LRRTM4: variants seen among roughly 807,000 people sequenced by gnomAD.
The protein encoded by LRRTM4 is leucine-rich repeat transmembrane neuronal protein 4.
In LRRTM4, 25 loss-of-function variants were observed where a neutral mutation model predicts 47.6. That is an observed-to-expected ratio of 0.53 (90% CI 0.38 to 0.73). The LOEUF (loss-of-function observed/expected upper bound fraction) is 0.73. Ranked by LOEUF, LRRTM4 falls within the 30% of genes least tolerant of loss-of-function variation. The pLI, the probability that LRRTM4 is intolerant of heterozygous loss-of-function variation, is 0.00. For synonymous variants in LRRTM4, 311 were observed against 269.5 expected, an observed-to-expected ratio of 1.15 and a Z score of -1.51; for missense variants, 638 against 713.4, an observed-to-expected ratio of 0.89 and a Z score of 1.20.
In LRRTM4 at chr2:76,912,825, G is replaced by A. The variant is rs565042827; in HGVS notation, c.1552-163909C>T. Among the ~76,000 whole-genome samples, 9 of 152,266 alleles carry A rather than the reference G, an allele frequency of 5.9e-5. No homozygotes were observed. The South Asian group carries it at 1.9e-3, about 32-fold the overall frequency. On this transcript the variant is annotated intron_variant, in intron 3 of 3. Coordinates refer to ENST00000409884, the MANE Select transcript of LRRTM4 (RefSeq NM_001134745.3). ...GCACCTCCCCCACTCTCATCCTCCT[G>A]TGCTGGCCATGTGAGGTGCCTAGCT...
chr2:77,518,450 A>G lies in LRRTM4; in HGVS notation c.1419T>C (p.Ser473=). Residue 473 remains serine, a synonymous_variant, in exon 3 of 4, where the codon TCT becomes TCC. Coordinates refer to ENST00000409884, the MANE Select transcript of LRRTM4 (RefSeq NM_001134745.3). ...MKRRRKKARE[S]ERQMNSPLQE... is the part of the protein sequence containing the mutation. ...GTAAAGGGGAATTCATTTGTCTTTC[A>G]GACTCTCTGGCCTTTTTCCGCCGCC... 1 of 1,613,302 alleles carries G rather than the reference A, an allele frequency of 6.2e-7. No individual in the cohort carries two copies. Among genetic ancestry groups the G allele is most frequent in the Non-Finnish European group, 8.5e-7 (1 of 1,179,600 alleles).
chr2:77,491,092 G>C (rs1459020753), intron 3 of LRRTM4, among the ~76,000 whole-genome samples: 2 of 151,652 alleles, frequency 1.3e-5, no homozygotes, highest in Non-Finnish European at 2.9e-5. Flanking sequence ...AAGAGAGAGA[G>C]AGAAACAGAC....
chr2:77,334,402 G>A (rs1021622453), intron 3 of LRRTM4, among the ~76,000 whole-genome samples: 2 of 152,154 alleles, frequency 1.3e-5, no homozygotes. Flanking sequence ...TTCATGGGAG[G>A]AACTAGGCCA....
intron 3 of LRRTM4, among the ~76,000 whole-genome samples, chr2:76,754,331 C>T (rs1672953294): frequency 6.6e-6 from 1 of 151,826 alleles, no homozygotes; most frequent in Admixed American, 6.6e-5. Flanking sequence ...TGGTTTTTTT[C>T]AAGAACTTTT....
chr2:77,342,608 G>A (rs969592072), intron 3 of LRRTM4, among the ~76,000 whole-genome samples: 1 of 151,786 alleles, frequency 6.6e-6, no homozygotes, highest in Non-Finnish European at 1.5e-5. Context: ...TACTTAATTT[G>A]GAGAATAAAG....
intron 3 of LRRTM4, among the ~76,000 whole-genome samples, chr2:77,283,966 A>G (rs1676582322): frequency 6.6e-6 from 1 of 152,118 alleles, no homozygotes; most frequent in South Asian, 2.1e-4. Flanking sequence ...AAGCCCCTGA[A>G]TATAAAATAA....
chr2:77,014,887 A>G (rs1032545838), intron 3 of LRRTM4, among the ~76,000 whole-genome samples: 4 of 152,042 alleles, frequency 2.6e-5, no homozygotes, highest in African/African-American at 7.2e-5. Context: ...TTGACTTTTC[A>G]TTTTTTTCAA....
intron 3 of LRRTM4, among the ~76,000 whole-genome samples, chr2:76,932,965 G>C (rs1039226348): frequency 1.3e-5 from 2 of 151,954 alleles, no homozygotes; most frequent in African/African-American, 4.8e-5. Context: ...ATCTACATTA[G>C]GTATGAAATG....
chr2:77,460,522 C>T (rs910437733), intron 3 of LRRTM4, among the ~76,000 whole-genome samples: 1 of 152,026 alleles, frequency 6.6e-6, no homozygotes, highest in Non-Finnish European at 1.5e-5. Flanking sequence ...GGTTTATTTT[C>T]TAAGGTCATT....
intron 3 of LRRTM4, among the ~76,000 whole-genome samples, chr2:77,256,939 A>T (rs1675786407): frequency 6.6e-6 from 1 of 152,158 alleles, no homozygotes; most frequent in South Asian, 2.1e-4. Flanking sequence ...AGATGTATAG[A>T]ACATGACAAA....
At chr2:77,006,820 A>G (rs1380190551) in intron 3 of LRRTM4, among the ~76,000 whole-genome samples, 2 of 152,170 alleles carry the variant, frequency 1.3e-5, no homozygotes, top group East Asian at 3.9e-4. Flanking sequence ...CTTCAGTGGA[A>G]ATCAAAGTTG....
intron 3 of LRRTM4, among the ~76,000 whole-genome samples, chr2:77,075,587 T>C (rs955304046): frequency 1.3e-5 from 2 of 152,164 alleles, no homozygotes; most frequent in Non-Finnish European, 2.9e-5. Context: ...AATATGATGA[T>C]AAAAATCAAA....
intron 3 of LRRTM4, among the ~76,000 whole-genome samples, chr2:77,508,498 G>A (rs1051456162): frequency 1.3e-5 from 2 of 152,104 alleles, no homozygotes; most frequent in Admixed American, 1.3e-4. Flanking sequence ...TAATTATGCT[G>A]TACCAATCAC....
intron 3 of LRRTM4, among the ~76,000 whole-genome samples, chr2:77,229,996 T>A (rs1252967450): frequency 6.6e-6 from 1 of 152,156 alleles, no homozygotes; most frequent in Non-Finnish European, 1.5e-5. Context: ...CATCTGTCTT[T>A]CTCTGAAAAA....
chr2:77,109,317 T>A (rs1671184200), intron 3 of LRRTM4, among the ~76,000 whole-genome samples: 2 of 152,046 alleles, frequency 1.3e-5, no homozygotes, highest in South Asian at 4.1e-4. Context: ...AGTTGGAATG[T>A]GAAAAAAAAT....
At chr2:77,400,030 A>G (rs145086583) in intron 3 of LRRTM4, among the ~76,000 whole-genome samples, 1 of 151,906 alleles carries the variant, frequency 6.6e-6, no homozygotes, top group East Asian at 2.0e-4. Context: ...TAAAATGACT[A>G]AATGAGATAA....
In LRRTM4 at chr2:77,125,490, G is replaced by A. The variant is rs1361591931; in HGVS notation, c.1552-376574C>T. On this transcript the variant is annotated intron_variant, in intron 3 of 3. Coordinates refer to ENST00000409884, the MANE Select transcript of LRRTM4 (RefSeq NM_001134745.3). ...TCTCCTACCTTTTTCCATCCTAAAC[G>A]CTCAAGTCAAACCTCCTTTGTCATT... Among the ~76,000 whole-genome samples the A allele has an allele frequency of 2.6e-5, 4 of 152,014 alleles. 1 individual carries two copies. Among genetic ancestry groups the A allele is most frequent in the East Asian group, 3.9e-4 (2 of 5,178 alleles).
intron 3 of LRRTM4, among the ~76,000 whole-genome samples, chr2:77,435,310 A>G (rs1156412238): frequency 6.6e-6 from 1 of 152,186 alleles, no homozygotes; most frequent in East Asian, 1.9e-4. Flanking sequence ...GAATCCAACT[A>G]ATTAAAAGAA....
chr2:77,110,257 C>G (rs1671214286), intron 3 of LRRTM4, among the ~76,000 whole-genome samples: 1 of 152,118 alleles, frequency 6.6e-6, no homozygotes, highest in Admixed American at 6.5e-5. Context: ...ATTTAAAATA[C>G]TGGCTGAAAC....
Sources: gnomAD v4.1 joint callset for allele counts (sites outside exome capture counted in the v4.1 genomes callset) on GRCh38, gnomAD v4.1.1 for gene constraint, MANE v1.5 for transcripts, NCBI Gene and HGNC (gene_info 2026-07-23, HGNC 2026-07-21) for gene names.